Variants in LPP observed in about 807,000 individuals in gnomAD.
The protein encoded by LPP is LIM domain containing preferred translocation partner in lipoma.
A neutral mutation model predicts 60.4 loss-of-function variants in LPP; 38 were observed. The observed-to-expected ratio is 0.63, with a 90% CI of 0.49 to 0.83. LPP has a LOEUF of 0.83. Among genes scored for constraint, LPP ranks in the 40% least tolerant of loss-of-function variants. The pLI is 0.00. For missense variants in LPP, 902 were observed against 783.6 expected, an observed-to-expected ratio of 1.15 and a Z score of -1.80; for synonymous variants, 328 against 290.8, an observed-to-expected ratio of 1.13 and a Z score of -1.30.
At chr3:188,827,201 G>C (rs1755786788) in intron 9 of LPP, among the ~76,000 whole-genome samples, 1 of 152,158 alleles carries the variant, frequency 6.6e-6, no homozygotes, top group Non-Finnish European at 1.5e-5. Context: ...CTAAGATTTA[G>C]ATAGGACCAT....
At chr3:188,750,385 C>G (rs1727676444) in intron 8 of LPP, among the ~76,000 whole-genome samples, 2 of 152,272 alleles carry the variant, frequency 1.3e-5, no homozygotes, top group African/African-American at 4.8e-5. Context: ...AATTCCAGCA[C>G]TTTGGGAGGC....
intron 1 of LPP, among the ~76,000 whole-genome samples, chr3:188,192,431 C>T (rs989542359): frequency 6.6e-6 from 1 of 152,186 alleles, no homozygotes; most frequent in Non-Finnish European, 1.5e-5. Context: ...AAGAGCAGCA[C>T]ATCCATTTAA....
chr3:188,688,675 G>A (rs1183625198), intron 7 of LPP: 8 of 426,880 alleles, frequency 1.9e-5, no homozygotes, highest in Non-Finnish European at 3.3e-5. Flanking sequence ...ATTTTATGAA[G>A]GGCAACATCT....
chr3:188,614,571 G>C (rs1844500447), intron 7 of LPP, among the ~76,000 whole-genome samples: 1 of 152,166 alleles, frequency 6.6e-6, no homozygotes, highest in South Asian at 2.1e-4. Flanking sequence ...AGCCCAAGTA[G>C]AGGTCTTTGT....
At chr3:188,746,574 C>T in intron 8 of LPP, 1 of 482,112 alleles carries the variant, frequency 2.1e-6, no homozygotes, top group Non-Finnish European at 4.1e-6. Flanking sequence ...GTATCTCTTG[C>T]CCAAGACAGA....
intron 7 of LPP, among the ~76,000 whole-genome samples, chr3:188,678,839 G>T (rs1252463741): frequency 6.6e-6 from 1 of 152,158 alleles, no homozygotes; most frequent in African/African-American, 2.4e-5. Context: ...CAAAACGAAA[G>T]CCAGACTCAA....
rs555804398 is a variant in LPP, at chr3:188,806,862, A to C, written c.1410+46580A>C. 5.3e-5 allele frequency among the ~76,000 whole-genome samples: 8 copies of C among 151,990 alleles called. No homozygotes were observed. The South Asian group carries it at 1.7e-3, about 31-fold the overall frequency. On this transcript the variant is annotated intron_variant, in intron 9 of 11. Transcript: ENST00000617246. ...GTTCTTGTTGTCATTCATTTTACTT[A>C]TATATATTCTATAAATACACAGCAC...
intron 1 of LPP, among the ~76,000 whole-genome samples, chr3:188,204,536 T>C (rs1170598520): frequency 6.6e-6 from 1 of 152,190 alleles, no homozygotes; most frequent in Admixed American, 6.5e-5. Context: ...ATAATAACAA[T>C]GGCAATATTT....
At chr3:188,724,711 G>A (rs754328468) in intron 8 of LPP, among the ~76,000 whole-genome samples, 3 of 152,094 alleles carry the variant, frequency 2.0e-5, no homozygotes, top group African/African-American at 4.8e-5. Flanking sequence ...CAATATTTAT[G>A]TCCAGAAACT....
intron 2 of LPP, among the ~76,000 whole-genome samples, chr3:188,277,647 G>A (rs953963387): frequency 2.0e-5 from 3 of 152,124 alleles, no homozygotes; most frequent in Non-Finnish European, 2.9e-5. Flanking sequence ...AAGAGACATG[G>A]ACTGTGTTAA....
chr3:188,723,477 G>A, intron 8 of LPP, among the ~76,000 whole-genome samples: 1 of 152,070 alleles, frequency 6.6e-6, no homozygotes. Flanking sequence ...TTGAACAGAG[G>A]CCAATCAGAG....
intron 9 of LPP, among the ~76,000 whole-genome samples, chr3:188,811,048 TAGG>T (rs1169258955): frequency 6.6e-6 from 1 of 152,068 alleles, no homozygotes; most frequent in Non-Finnish European, 1.5e-5. Context: ...TCATTAATTG[TAGG>T]AGAATACATA....
intron 9 of LPP, among the ~76,000 whole-genome samples, chr3:188,771,636 C>A (rs73058756): frequency 0.087 from 13,173 of 151,504 alleles, 1,838 homozygotes; most frequent in African/African-American, 0.3. Flanking sequence ...TTTCTTAGCT[C>A]ACATGGTTAT....
chr3:188,173,730 G>A (rs1269510811), intron 1 of LPP, among the ~76,000 whole-genome samples: 1 of 152,140 alleles, frequency 6.6e-6, no homozygotes, highest in Non-Finnish European at 1.5e-5. Flanking sequence ...AAAAGTCACT[G>A]CATTGAGTCT....
intron 6 of LPP, among the ~76,000 whole-genome samples, chr3:188,602,651 C>T (rs1441886048): frequency 1.3e-5 from 2 of 150,666 alleles, no homozygotes; most frequent in Admixed American, 6.6e-5. Context: ...ATAGGTACCT[C>T]GACCCCAGTG....
intron 2 of LPP, among the ~76,000 whole-genome samples, chr3:188,265,716 T>C (rs1160329520): frequency 4.0e-5 from 6 of 151,844 alleles, no homozygotes; most frequent in Non-Finnish European, 7.4e-5. Flanking sequence ...TCTAGAGAGA[T>C]TGGGAGTGGG....
intron 8 of LPP, among the ~76,000 whole-genome samples, chr3:188,717,048 A>G (rs887473163): frequency 1.3e-5 from 2 of 152,180 alleles, no homozygotes; most frequent in East Asian, 3.9e-4. Context: ...GTTTATTTCC[A>G]TTTGGGATAT....
intron 8 of LPP, among the ~76,000 whole-genome samples, chr3:188,742,171 T>G (rs922910221): frequency 1.3e-5 from 2 of 152,116 alleles, no homozygotes; most frequent in Non-Finnish European, 2.9e-5. Flanking sequence ...ACAGAGCAAT[T>G]GAAATTCTCA....
chr3:188,519,923 A>G (rs1356949859), intron 5 of LPP, among the ~76,000 whole-genome samples: 1 of 152,210 alleles, frequency 6.6e-6, no homozygotes, highest in Non-Finnish European at 1.5e-5. Flanking sequence ...TATCACCTGT[A>G]GTTAGTGGGT....
Sources: gnomAD v4.1 joint callset for allele counts (sites outside exome capture counted in the v4.1 genomes callset) on GRCh38, gnomAD v4.1.1 for gene constraint, MANE v1.5 for transcripts, NCBI Gene and HGNC (gene_info 2026-07-23, HGNC 2026-07-21) for gene names.